Variants in FAM135B observed in about 807,000 individuals in gnomAD.
The protein encoded by FAM135B is family with sequence similarity 135 member B.
Under a neutral mutation model 127.7 loss-of-function variants are expected in FAM135B, and 43 were observed. The observed-to-expected ratio is 0.34, with a 90% CI of 0.26 to 0.43. FAM135B has a LOEUF of 0.43. Among genes scored for constraint, FAM135B ranks in the 20% least tolerant of loss-of-function variants. The probability of loss-of-function intolerance (pLI) is 1.00; values close to 1 mark genes in which losing one functional copy is unlikely to be tolerated. For synonymous variants in FAM135B, 670 were observed against 665.1 expected (o/e 1.01, Z -0.11); for missense variants, 1,558 against 1,725.6 (o/e 0.90, Z 1.72).
intron 1 of FAM135B, among the ~76,000 whole-genome samples, chr8:138,420,657 T>C (rs888278537): frequency 5.9e-5 from 9 of 151,578 alleles, no homozygotes; most frequent in Non-Finnish European, 1.3e-4. Context: ...ATCAGTAGGC[T>C]TTTTTTCCTA....
intron 4 of FAM135B, among the ~76,000 whole-genome samples, chr8:138,259,532 T>C (rs565219572): frequency 4.9e-4 from 75 of 152,140 alleles, no homozygotes; most frequent in Non-Finnish European, 9.1e-4. Flanking sequence ...TCAACAAAGG[T>C]TAGCTATTAT....
chr8:138,444,979 C>G (rs549372727), intron 1 of FAM135B, among the ~76,000 whole-genome samples: 1 of 151,974 alleles, frequency 6.6e-6, no homozygotes, highest in Admixed American at 6.6e-5. Flanking sequence ...ATATCACCAC[C>G]GATCCCACAG....
chr8:138,192,979 T>C (rs1362574137), intron 9 of FAM135B, among the ~76,000 whole-genome samples: 2 of 152,120 alleles, frequency 1.3e-5, no homozygotes, highest in Non-Finnish European at 2.9e-5. Flanking sequence ...AGTCACACAG[T>C]GAGTAGGTAG....
chr8:138,261,321 T>C (rs866353771), intron 4 of FAM135B, among the ~76,000 whole-genome samples: 5 of 152,322 alleles, frequency 3.3e-5, no homozygotes, highest in African/African-American at 1.2e-4. Flanking sequence ...AAATGCAATC[T>C]TGCTCATAAA....
In FAM135B at chr8:138,139,100, GGAAGA is replaced by G; in HGVS notation, c.3791-9_3791-5del. 1 of 1,581,690 alleles carries G rather than the reference GGAAGA, an allele frequency of 6.3e-7. No homozygotes were observed. Among genetic ancestry groups the G allele is most frequent in the Admixed American group, 1.8e-5 (1 of 56,952 alleles). Reference sequence around the variant, plus strand: ...AGTTTCTGCATGAGCCATAAGCCTAGGAAGACAAAAACAAAATAAAAATCAAAAAC... The same window carrying G: ...AGTTTCTGCATGAGCCATAAGCCTAGCAAAAACAAAATAAAAATCAAAAAC... On this transcript the variant is annotated splice_polypyrimidine_tract_variant and splice_region_variant and intron_variant, in intron 17 of 19. Transcript: ENST00000395297.
chr8:138,141,079 C>A lies in FAM135B; in HGVS notation c.3790+119G>T. ...TAAGGCCAGGACTCCTCCCTCCATG[C>A]CATGCTTGGAAAAGACTGCACAGTC... On this transcript the variant is annotated intron_variant, in intron 17 of 19. Coordinates refer to ENST00000395297, the MANE Select transcript of FAM135B (RefSeq NM_015912.4). The surrounding 1 kb of genome is among the most constrained non-coding windows in gnomAD (Gnocchi z 4.7). 1.0e-6 allele frequency: 1 copy of A among 960,318 alleles called. No homozygotes were observed. Among genetic ancestry groups the A allele is most frequent in the Non-Finnish European group, 1.6e-6 (1 of 639,154 alleles). 59.5% of individuals were successfully genotyped at this position (960,318 alleles called of 1,614,324 possible).
chr8:138,455,176 A>G (rs1236024151), intron 1 of FAM135B, among the ~76,000 whole-genome samples: 1 of 152,218 alleles, frequency 6.6e-6, no homozygotes, highest in Non-Finnish European at 1.5e-5. Flanking sequence ...TGTTGCTGGC[A>G]CATAGGACCT....
chr8:138,393,155 A>G (rs1460305131), intron 1 of FAM135B, among the ~76,000 whole-genome samples: 1 of 152,110 alleles, frequency 6.6e-6, no homozygotes, highest in Admixed American at 6.6e-5. Flanking sequence ...CATGGGAAAG[A>G]CCTGCCCCCA....
intron 9 of FAM135B, among the ~76,000 whole-genome samples, chr8:138,181,033 G>T (rs543481041): frequency 6.6e-4 from 100 of 151,854 alleles, no homozygotes; most frequent in African/African-American, 2.1e-3. Flanking sequence ...GAGGTCAAGA[G>T]AACGAGACCA....
chr8:138,442,232 G>A (rs1445840226), intron 1 of FAM135B, among the ~76,000 whole-genome samples: 1 of 17,030 alleles, frequency 5.9e-5, no homozygotes. Context: ...GAAGAATATG[G>A]ACACCATATA....
intron 3 of FAM135B, among the ~76,000 whole-genome samples, chr8:138,278,407 T>C (rs906866942): frequency 6.6e-6 from 1 of 151,852 alleles, no homozygotes; most frequent in East Asian, 2.0e-4. Flanking sequence ...TGAACACCTA[T>C]GCCTACATCC....
At position 138,243,490 on chromosome 8, in the gene FAM135B, T is replaced by C. The variant is rs6577900; in HGVS notation, c.543-422A>G. Among the ~76,000 whole-genome samples the C allele has an allele frequency of 0.36, 54,525 of 152,052 alleles. 10,381 individuals carry two copies. The highest frequency in any genetic ancestry group is 0.8 in the East Asian group (4,090 of 5,142). ...TCCTCCCTCCCTGGACCTCTTTTCTTCTGTGGAAAAGCATAAAACATCTTC... is the reference window on the plus strand; with the variant it reads ...TCCTCCCTCCCTGGACCTCTTTTCTCCTGTGGAAAAGCATAAAACATCTTC... On this transcript the variant is annotated intron_variant, in intron 6 of 19. Transcript: ENST00000395297. The surrounding 1 kb of genome is among the most constrained non-coding windows in gnomAD (Gnocchi z 7.5).
At chr8:138,412,948 G>A (rs147714838) in intron 1 of FAM135B, among the ~76,000 whole-genome samples, 215 of 152,306 alleles carry the variant, frequency 1.4e-3, no homozygotes, top group African/African-American at 5.1e-3. Flanking sequence ...GTTGGGCTGT[G>A]ATTTCTGGGC....
At chr8:138,316,704 G>A (rs913526295) in intron 2 of FAM135B, among the ~76,000 whole-genome samples, 1 of 152,036 alleles carries the variant, frequency 6.6e-6, no homozygotes, top group African/African-American at 2.4e-5. Flanking sequence ...CATACGGCCG[G>A]GCGTGGTGGC....
intron 1 of FAM135B, among the ~76,000 whole-genome samples, chr8:138,478,155 C>A (rs751140981): frequency 7.9e-5 from 12 of 152,124 alleles, no homozygotes; most frequent in Middle Eastern, 3.2e-3. Flanking sequence ...CCCAACCCAT[C>A]CCCCTGACAC....
chr8:138,425,964 C>CATATATATATATATATATAT (rs11271386), intron 1 of FAM135B, among the ~76,000 whole-genome samples: 9 of 110,002 alleles, frequency 8.2e-5, no homozygotes, highest in East Asian at 5.4e-4. Context: ...GCCAGGCCAA[C>CATATATATATATATATATAT]ATATATATAT....
chr8:138,263,896 G>C (rs1451395394), intron 4 of FAM135B, among the ~76,000 whole-genome samples: 1 of 152,210 alleles, frequency 6.6e-6, no homozygotes, highest in African/African-American at 2.4e-5. Flanking sequence ...CAATCCTGTG[G>C]AGCTTGCAGA....
intron 1 of FAM135B, among the ~76,000 whole-genome samples, chr8:138,376,425 T>G (rs1208688135): frequency 6.6e-6 from 1 of 152,196 alleles, no homozygotes; most frequent in Non-Finnish European, 1.5e-5. Flanking sequence ...TGCTCCAGCT[T>G]CATCACCTTC....
intron 7 of FAM135B, among the ~76,000 whole-genome samples, chr8:138,209,452 G>T (rs1817966111): frequency 6.6e-6 from 1 of 152,194 alleles, no homozygotes; most frequent in Admixed American, 6.5e-5. Flanking sequence ...ATAAACAAGG[G>T]CATAGAGTGA....
Sources: allele counts gnomAD v4.1 joint callset (sites outside exome capture counted in the v4.1 genomes callset), GRCh38; gene constraint gnomAD v4.1.1; non-coding constraint Gnocchi (gnomAD v3.1); transcripts MANE v1.5; gene names NCBI Gene and HGNC (gene_info 2026-07-23, HGNC 2026-07-21).